Variants in CREBRF observed in about 807,000 individuals in gnomAD.
CREBRF encodes the protein CREB3 regulatory factor.
A neutral mutation model predicts 66.1 loss-of-function variants in CREBRF; 5 were observed. The ratio of observed to expected loss-of-function variants is 0.08; its 90% CI spans 0.04 to 0.16. The LOEUF is 0.16. Among genes scored for constraint, CREBRF ranks in the 10% least tolerant of loss-of-function variants. The probability of loss-of-function intolerance (pLI) is 1.00; values close to 1 mark genes in which losing one functional copy is unlikely to be tolerated. For missense variants in CREBRF, 531 were observed against 744.9 expected, an observed-to-expected ratio of 0.71 and a Z score of 3.34; for synonymous variants, 229 against 264.4, an observed-to-expected ratio of 0.87 and a Z score of 1.30.
At chr5:173,097,234 G>T (rs192979284) in intron 4 of CREBRF, among the ~76,000 whole-genome samples, 2 of 150,696 alleles carry the variant, frequency 1.3e-5, no homozygotes, top group African/African-American at 4.9e-5. Context: ...GCAGGCCCTT[G>T]GCTTTAGTTC....
chr5:173,081,687 C>T (rs1403009781), intron 2 of CREBRF, among the ~76,000 whole-genome samples: 1 of 152,100 alleles, frequency 6.6e-6, no homozygotes, highest in African/African-American at 2.4e-5. Context: ...CTTTGGGAGG[C>T]CGAGACAGGC....
chr5:173,069,290 T>C (rs776234878), intron 1 of CREBRF, among the ~76,000 whole-genome samples: 2 of 152,106 alleles, frequency 1.3e-5, no homozygotes, highest in African/African-American at 4.8e-5. Flanking sequence ...CTTGCATTTA[T>C]ACATAAAGTA....
intron 1 of CREBRF, among the ~76,000 whole-genome samples, chr5:173,074,375 G>A (rs1183536653): frequency 6.6e-6 from 1 of 151,500 alleles, no homozygotes; most frequent in Non-Finnish European, 1.5e-5. Context: ...TGTTGTCCCT[G>A]TAACCCAAAG....
intron 4 of CREBRF, among the ~76,000 whole-genome samples, chr5:173,094,971 A>G (rs902621929): frequency 3.3e-5 from 5 of 152,114 alleles, no homozygotes; most frequent in Non-Finnish European, 5.9e-5. Flanking sequence ...GGTATGAGAT[A>G]AGGGTCTCCA....
At chr5:173,108,535 C>A in intron 4 of CREBRF, 89 bp from the exon 5 acceptor site, 1 of 1,099,526 alleles carries the variant, frequency 9.1e-7, no homozygotes, top group Non-Finnish European at 1.3e-6. Flanking sequence ...GGAAATATAC[C>A]AAGTTACAAA....
intron 8 of CREBRF, among the ~76,000 whole-genome samples, chr5:173,127,467 T>C (rs888026529): frequency 3.3e-5 from 5 of 150,388 alleles, no homozygotes; most frequent in South Asian, 2.1e-4. Context: ...TTTTCTTTTT[T>C]TTTTTTTTTT....
intron 8 of CREBRF, among the ~76,000 whole-genome samples, chr5:173,127,166 T>C (rs559227110): frequency 2.1e-4 from 30 of 144,432 alleles, no homozygotes; most frequent in East Asian, 9.8e-4. Flanking sequence ...CTTTTTCTTT[T>C]TTTTTTTTTT....
intron 1 of CREBRF, among the ~76,000 whole-genome samples, chr5:173,065,230 T>A (rs1340903772): frequency 1.3e-5 from 2 of 152,166 alleles, no homozygotes; most frequent in Non-Finnish European, 2.9e-5. Flanking sequence ...GTTTTGAAGA[T>A]TAGTGAAGGA....
intron 4 of CREBRF, among the ~76,000 whole-genome samples, chr5:173,094,751 G>C (rs964480158): frequency 4.6e-5 from 7 of 152,004 alleles, no homozygotes; most frequent in Admixed American, 3.9e-4. Context: ...TCTGTTAATT[G>C]TTTATTTTGC....
chr5:173,114,237 G>A (rs754414433), intron 7 of CREBRF, among the ~76,000 whole-genome samples: 53 of 152,148 alleles, frequency 3.5e-4, no homozygotes, highest in Non-Finnish European at 6.8e-4. Context: ...GTGTTGAAAT[G>A]CAAAGCTATC....
At chr5:173,087,786 T>C (rs1323780379) in intron 3 of CREBRF, among the ~76,000 whole-genome samples, 1 of 152,180 alleles carries the variant, frequency 6.6e-6, no homozygotes, top group Non-Finnish European at 1.5e-5. Flanking sequence ...ATTTTAATTT[T>C]TAATCTTTAG....
chr5:173,125,918 C>G (rs1286315304), intron 8 of CREBRF, among the ~76,000 whole-genome samples: 1 of 152,106 alleles, frequency 6.6e-6, no homozygotes, highest in Admixed American at 6.5e-5. Flanking sequence ...TGGCTTTTTC[C>G]TGTAATCCCA....
At chr5:173,100,770 A>T (rs998560232) in intron 4 of CREBRF, among the ~76,000 whole-genome samples, 5 of 152,136 alleles carry the variant, frequency 3.3e-5, no homozygotes, top group African/African-American at 1.2e-4. Flanking sequence ...TTTCATTTCA[A>T]CTTGAAGAAC....
chr5:173,136,047 T>C lies in CREBRF; in HGVS notation c.*2302T>C, dbSNP rs1282376649. 1.3e-5 allele frequency: 2 copies of C among 152,460 alleles called. No homozygotes were observed. The highest frequency in any genetic ancestry group is 2.9e-5 in the Non-Finnish European group (2 of 67,928). The allele number at this position is 152,460 out of a possible 1,614,324, so 9.4% of individuals were successfully genotyped here. ...ATATGAAGTCTTGACAGAGTGTGTCTGGTAAATTGAAAAGTGTTTCAAACT... is the reference window on the plus strand; with the variant it reads ...ATATGAAGTCTTGACAGAGTGTGTCCGGTAAATTGAAAAGTGTTTCAAACT... On this transcript the variant is annotated 3_prime_UTR_variant, in exon 9 of 9. Transcript: ENST00000296953.
intron 1 of CREBRF, among the ~76,000 whole-genome samples, chr5:173,074,826 G>A (rs3095843): frequency 0.39 from 59,657 of 151,742 alleles, 12,364 homozygotes; most frequent in Non-Finnish European, 0.45. Context: ...TCGCCATGTT[G>A]GCCAGGCTGG....
intron 8 of CREBRF, among the ~76,000 whole-genome samples, chr5:173,127,461 C>CTT (rs70984945): frequency 4.6e-5 from 6 of 130,802 alleles, no homozygotes; most frequent in South Asian, 2.4e-4. Context: ...TTTTTCTTTT[C>CTT]TTTTTTTTTT....
At chr5:173,095,093 C>A (rs60418095) in intron 4 of CREBRF, among the ~76,000 whole-genome samples, 14,185 of 150,668 alleles carry the variant, frequency 0.094, 783 homozygotes, top group South Asian at 0.16. Flanking sequence ...ATTAATTGGA[C>A]ATAATGTGGG....
Position 173,062,786 on chromosome 5 carries a change from C to T in CREBRF, c.-192+6307C>T, listed in dbSNP as rs372253267. Among the ~76,000 whole-genome samples, 141 of 131,986 alleles carry T rather than the reference C, an allele frequency of 1.1e-3. No individual in the cohort carries two copies. In the East Asian group the frequency reaches 0.028, roughly 26 times the overall value. The allele number at this position is 131,986 out of a possible 152,430, so 86.6% of individuals were successfully genotyped here. ...TTTTTGAGACGGAGTCTTGCTCTGTCGCCCAGGCTGGAGTGCAGTGGTGGG... is the reference window on the plus strand; with the variant it reads ...TTTTTGAGACGGAGTCTTGCTCTGTTGCCCAGGCTGGAGTGCAGTGGTGGG... On this transcript the variant is annotated intron_variant, in intron 1 of 8. Coordinates refer to ENST00000296953, the MANE Select transcript of CREBRF (RefSeq NM_153607.3).
Position 173,056,430 on chromosome 5 carries a change from C to T in CREBRF, c.-241C>T. On this transcript the variant is annotated 5_prime_UTR_variant, in exon 1 of 9. Transcript: ENST00000296953. Reference sequence around the variant, plus strand: ...GAGGCAGCATGGAGAGGGGCCGTGGCCCCTGCAGCGGAACCGGACCCAGTC... The same window carrying T: ...GAGGCAGCATGGAGAGGGGCCGTGGTCCCTGCAGCGGAACCGGACCCAGTC... The T allele has an allele frequency of 2.5e-6, 1 of 398,420 alleles. No individual in the cohort carries two copies. The highest frequency in any genetic ancestry group is 3.6e-5 in the East Asian group (1 of 28,064). The allele number at this position is 398,420 out of a possible 1,614,324, so 24.7% of individuals were successfully genotyped here. A position where few individuals can be genotyped will look rare whatever the true frequency, so the allele number is the denominator to read the frequency against.
Sources: allele counts gnomAD v4.1 joint callset (sites outside exome capture counted in the v4.1 genomes callset), GRCh38; gene constraint gnomAD v4.1.1; transcripts MANE v1.5; gene names NCBI Gene and HGNC (gene_info 2026-07-23, HGNC 2026-07-21).